The following ANGPTL2 variants were observed in gnomAD, a reference collection of about 807,000 sequenced individuals.
The protein encoded by ANGPTL2 is angiopoietin-related protein 2.
Under a neutral mutation model 52.8 loss-of-function variants are expected in ANGPTL2, and 25 were observed. The ratio of observed to expected loss-of-function variants is 0.47; its 90% CI spans 0.35 to 0.66. The LOEUF is 0.66. Among genes scored for constraint, ANGPTL2 ranks in the 30% least tolerant of loss-of-function variants. ANGPTL2 has a pLI of 0.01. For synonymous variants in ANGPTL2, 276 were observed against 277.4 expected (o/e 1.00, Z 0.05); for missense variants, 546 against 656.9 (o/e 0.83, Z 1.84).
intron 2 of ANGPTL2, among the ~76,000 whole-genome samples, chr9:127,106,644 A>G (rs943541529): frequency 4.6e-5 from 7 of 152,152 alleles, no homozygotes; most frequent in African/African-American, 1.7e-4. Flanking sequence ...GCCTGCTCTC[A>G]ATCCTGCACC....
chr9:127,095,267 A>G (rs1003494881), intron 2 of ANGPTL2, among the ~76,000 whole-genome samples: 19 of 152,200 alleles, frequency 1.2e-4, no homozygotes, highest in African/African-American at 4.3e-4. Context: ...GTGTGGTGGC[A>G]CGCACCTGTG....
At chr9:127,097,421 C>A (rs531856562) in intron 2 of ANGPTL2, among the ~76,000 whole-genome samples, 4 of 152,242 alleles carry the variant, frequency 2.6e-5, no homozygotes, top group Admixed American at 1.3e-4. Context: ...AATCAGGCCC[C>A]ATTAGCTTCC....
intron 1 of ANGPTL2, among the ~76,000 whole-genome samples, chr9:127,109,111 G>T (rs1189016392): frequency 6.6e-6 from 1 of 152,226 alleles, no homozygotes; most frequent in East Asian, 1.9e-4. Context: ...TCGTATCCAG[G>T]CAGCTTCAGG....
At chr9:127,095,476 T>G (rs1480083470) in intron 2 of ANGPTL2, among the ~76,000 whole-genome samples, 1 of 152,250 alleles carries the variant, frequency 6.6e-6, no homozygotes, top group Admixed American at 6.5e-5. Flanking sequence ...TACCATTGTA[T>G]GTTTTCTATC....
intron 1 of ANGPTL2, among the ~76,000 whole-genome samples, chr9:127,120,147 G>A (rs1224526792): frequency 3.3e-5 from 5 of 152,110 alleles, no homozygotes; most frequent in South Asian, 2.1e-4. Flanking sequence ...CTGCAACTCC[G>A]GGGCAAACCT....
chr9:127,106,957 A>G (rs895013371), intron 2 of ANGPTL2: 3 of 152,248 alleles, frequency 2.0e-5, no homozygotes, highest in Non-Finnish European at 4.4e-5. Context: ...TTATGCAGAG[A>G]TGAATATAGT....
intron 1 of ANGPTL2, among the ~76,000 whole-genome samples, 174 bp from the exon 2 acceptor site, chr9:127,108,954 A>G (rs2054534293): frequency 6.6e-6 from 1 of 152,160 alleles, no homozygotes. Flanking sequence ...TGGAAGCAAG[A>G]GGAGACAGGC....
intron 1 of ANGPTL2, 47 bp from the exon 2 acceptor site, chr9:127,108,827 A>C (rs2054519530): frequency 1.5e-6 from 2 of 1,312,960 alleles, no homozygotes; most frequent in Admixed American, 2.3e-5. Flanking sequence ...CACCACTGTC[A>C]GTGCCCTGTG....
At chr9:127,103,780 C>A (rs1202034441) in intron 2 of ANGPTL2, among the ~76,000 whole-genome samples, 1 of 152,136 alleles carries the variant, frequency 6.6e-6, no homozygotes, top group Non-Finnish European at 1.5e-5. Flanking sequence ...GGAAGTAGAG[C>A]TAGAAGGTCA....
chr9:127,098,261 A>G (rs1268019270), intron 2 of ANGPTL2, among the ~76,000 whole-genome samples: 1 of 152,212 alleles, frequency 6.6e-6, no homozygotes, highest in African/African-American at 2.4e-5. Context: ...GCAGTGGGCA[A>G]AGCGCTCCCT....
At chr9:127,102,535 T>TA (rs2053840247) in intron 2 of ANGPTL2, among the ~76,000 whole-genome samples, 1 of 152,206 alleles carries the variant, frequency 6.6e-6, no homozygotes, top group Non-Finnish European at 1.5e-5. Context: ...AAGATTTTTT[T>TA]AACAGTAACA....
intron 2 of ANGPTL2, among the ~76,000 whole-genome samples, chr9:127,097,697 C>T (rs1416014339): frequency 6.6e-6 from 1 of 152,204 alleles, no homozygotes; most frequent in Non-Finnish European, 1.5e-5. Flanking sequence ...ATAAATAATA[C>T]TGTGAAAAAT....
Position 127,089,239 on chromosome 9 carries a change from T to C in ANGPTL2, c.1283-101A>G, listed in dbSNP as rs1173345163. ...GGCAAAGCCCTCTCTGGGAGGCATC[T>C]GGAGCAAGAACGCTTGAAAGGTGGA... On this transcript the variant is annotated intron_variant, in intron 4 of 4. Coordinates refer to ENST00000373425, the MANE Select transcript of ANGPTL2 (RefSeq NM_012098.3). 5.4e-5 allele frequency: 70 copies of C among 1,296,586 alleles called. No homozygotes were observed. In the Admixed American group the frequency reaches 1.3e-3, roughly 24 times the overall value. The allele number at this position is 1,296,586 out of a possible 1,614,324, so 80.3% of individuals were successfully genotyped here.
At chr9:127,092,081 CCACCT>C (rs2136433392) in intron 3 of ANGPTL2, 141 bp from the exon 4 acceptor site, 1 of 992,884 alleles carries the variant, frequency 1.0e-6, no homozygotes, top group East Asian at 2.4e-5. Context: ...GACCCCTACT[CCACCT>C]CTTAATCTCT....
chr9:127,105,937 T>C (rs2054177029), intron 2 of ANGPTL2, among the ~76,000 whole-genome samples: 1 of 152,236 alleles, frequency 6.6e-6, no homozygotes, highest in South Asian at 2.1e-4. Flanking sequence ...TTGATTGTAT[T>C]GTATCCACAG....
chr9:127,118,982 G>A (rs2055753619), intron 1 of ANGPTL2, among the ~76,000 whole-genome samples: 1 of 152,198 alleles, frequency 6.6e-6, no homozygotes, highest in Admixed American at 6.5e-5. Context: ...TCCTAAAGGA[G>A]CCTCCAAGTA....
intron 2 of ANGPTL2, among the ~76,000 whole-genome samples, chr9:127,105,982 TTTACA>T (rs1234774513): frequency 6.6e-6 from 1 of 152,206 alleles, no homozygotes; most frequent in Non-Finnish European, 1.5e-5. Flanking sequence ...TTGTCCCCAT[TTTACA>T]GAGGAGAAAA....
intron 2 of ANGPTL2, among the ~76,000 whole-genome samples, chr9:127,102,345 TG>T (rs1008288261): frequency 1.1e-5 from 1 of 90,750 alleles, no homozygotes; most frequent in Non-Finnish European, 2.2e-5. Flanking sequence ...ATTTTTTTTG[TG>T]GGGGTGGGGG....
chr9:127,088,598 C>T lies in ANGPTL2; in HGVS notation c.*341G>A, dbSNP rs77219036. ...TGCATATATATGTGGTATACACATA[C>T]GTGCACAAGGGAGGCTCATACACAT... On this transcript the variant is annotated 3_prime_UTR_variant, in exon 5 of 5. Transcript: ENST00000373425. The T allele has an allele frequency of 3.1e-3, 1,069 of 340,562 alleles. 3 individuals are homozygous for T. Among genetic ancestry groups the T allele is most frequent in the Admixed American group, 4.5e-3 (102 of 22,464 alleles). 21.1% of individuals were successfully genotyped at this position (340,562 alleles called of 1,614,324 possible).
Sources: allele counts gnomAD v4.1 joint callset (sites outside exome capture counted in the v4.1 genomes callset), GRCh38; gene constraint gnomAD v4.1.1; transcripts MANE v1.5; gene names NCBI Gene and HGNC (gene_info 2026-07-23, HGNC 2026-07-21).